The following SORL1 variants were observed in gnomAD, a reference collection of about 807,000 sequenced individuals.
The protein encoded by SORL1 is sortilin related receptor 1, also known as sortilin-related receptor.
A neutral mutation model predicts 273.7 loss-of-function variants in SORL1; 127 were observed. The ratio of observed to expected loss-of-function variants is 0.46; its 90% CI spans 0.40 to 0.54. SORL1 has a LOEUF of 0.54. SORL1 is among the 20% of genes least tolerant of loss of function. The pLI is 0.00. For synonymous variants in SORL1, 1,031 were observed against 1,067.4 expected (o/e 0.97, Z 0.66); for missense variants, 2,494 against 2,846.1 (o/e 0.88, Z 2.81).
At chr11:121,558,390 C>G (rs1256121505) in intron 19 of SORL1, among the ~76,000 whole-genome samples, 6 of 152,056 alleles carry the variant, frequency 3.9e-5, no homozygotes, top group Non-Finnish European at 7.4e-5. Context: ...TTGATTTTAT[C>G]TATAGATAAA....
rs1251353166 is a variant in SORL1, at chr11:121,630,745, G to A, written c.*1182G>A. The A allele has an allele frequency of 6.6e-6, 1 of 152,170 alleles. No individual in the cohort carries two copies. Among genetic ancestry groups the A allele is most frequent in the Non-Finnish European group, 1.5e-5 (1 of 68,038 alleles). The allele number at this position is 152,170 out of a possible 1,614,324, so 9.4% of individuals were successfully genotyped here. On this transcript the variant is annotated 3_prime_UTR_variant, in exon 48 of 48. Transcript: ENST00000260197. ...TAAAAAGTTGAGACTACTCAATCCAGTTAACAACAGCAGGAGCACTAGAGT... is the reference window on the plus strand; with the variant it reads ...TAAAAAGTTGAGACTACTCAATCCAATTAACAACAGCAGGAGCACTAGAGT...
Position 121,574,376 on chromosome 11 carries a change from C to T in SORL1, c.3460+13C>T, listed in dbSNP as rs981840366. 7 of 1,611,306 alleles carry T rather than the reference C, an allele frequency of 4.3e-6. No individual in the cohort carries two copies. The highest frequency in any genetic ancestry group is 5.9e-6 in the Non-Finnish European group (7 of 1,177,954). ...GAAAGTCATTGTGGTAAGGGGACATCACATCCTGAAACCCTGCTCTGGAGA... is the reference window on the plus strand; with the variant it reads ...GAAAGTCATTGTGGTAAGGGGACATTACATCCTGAAACCCTGCTCTGGAGA... On this transcript the variant is annotated intron_variant, in intron 24 of 47. Coordinates refer to ENST00000260197, the MANE Select transcript of SORL1 (RefSeq NM_003105.6).
At position 121,543,738 on chromosome 11, in the gene SORL1, C is replaced by T. The variant is rs1406267770; in HGVS notation, c.1864+12C>T. The T allele has an allele frequency of 2.5e-6, 4 of 1,605,894 alleles. No homozygotes were observed. The highest frequency in any genetic ancestry group is 3.3e-5 in the Admixed American group (2 of 59,910). Reference sequence around the variant, plus strand: ...CACGGATGCCTTGGGTAAGCTGCTGCCTCCTTGGACCTTTTCACATGGATA... The same window carrying T: ...CACGGATGCCTTGGGTAAGCTGCTGTCTCCTTGGACCTTTTCACATGGATA... On this transcript the variant is annotated intron_variant, in intron 13 of 47. Coordinates refer to ENST00000260197, the MANE Select transcript of SORL1 (RefSeq NM_003105.6).
intron 18 of SORL1, among the ~76,000 whole-genome samples, chr11:121,556,147 C>A (rs1862578652): frequency 6.6e-6 from 1 of 152,348 alleles, no homozygotes; most frequent in South Asian, 2.1e-4. Flanking sequence ...TTCGCACAAC[C>A]ATTTGACAGG....
rs1301301272 is a variant in SORL1, at chr11:121,543,545, C to T, written c.1686-3C>T. 1 of 1,608,652 alleles carries T rather than the reference C, an allele frequency of 6.2e-7. No individual in the cohort carries two copies. Among genetic ancestry groups the T allele is most frequent in the East Asian group, 2.2e-5 (1 of 44,726 alleles). On this transcript the variant is annotated splice_polypyrimidine_tract_variant and splice_region_variant and intron_variant, in intron 12 of 47. Coordinates refer to ENST00000260197, the MANE Select transcript of SORL1 (RefSeq NM_003105.6). ...AAGGATTCTCTTACTTGCATTTGGG[C>T]AGATACAGTACCAATGAAGGGGAGA... is the stretch of plus-strand genomic sequence containing the variant.
intron 35 of SORL1, among the ~76,000 whole-genome samples, chr11:121,606,568 C>T (rs1158641701): frequency 6.6e-6 from 1 of 152,166 alleles, no homozygotes; most frequent in Non-Finnish European, 1.5e-5. Flanking sequence ...AGTGGTGACT[C>T]AGCCTGCCCA....
In SORL1 at chr11:121,496,644, C is replaced by T. The variant is rs142280622; in HGVS notation, c.759-225C>T. 8.2e-3 allele frequency among the ~76,000 whole-genome samples: 1,249 copies of T among 152,282 alleles called. 12 individuals are homozygous for T. Among genetic ancestry groups the T allele is most frequent in the South Asian group, 0.015 (71 of 4,830 alleles). On this transcript the variant is annotated intron_variant, in intron 5 of 47. Transcript: ENST00000260197. ...GGGCAGGGTTGCCTTGAGCTAAACC[C>T]AGGATGCTTTGAAAACAACATAAAA...
intron 1 of SORL1, among the ~76,000 whole-genome samples, chr11:121,455,982 GACTCCATCTAAA>G (rs1353600235): frequency 6.9e-5 from 10 of 144,542 alleles, no homozygotes; most frequent in African/African-American, 2.6e-4. Flanking sequence ...GACAGAGTGA[GACTCCATCTAAA>G]AAAAAAAAAA....
chr11:121,463,279 G>A (rs1264108672), intron 1 of SORL1, among the ~76,000 whole-genome samples: 1 of 151,748 alleles, frequency 6.6e-6, no homozygotes, highest in Non-Finnish European at 1.5e-5. Flanking sequence ...TTGCCAACTG[G>A]TAAATTAAGG....
chr11:121,487,805 T>C (rs1861496576), intron 3 of SORL1, among the ~76,000 whole-genome samples: 1 of 152,186 alleles, frequency 6.6e-6, no homozygotes, highest in South Asian at 2.1e-4. Context: ...TCCCGGTCCA[T>C]CTCCAGGCCT....
At chr11:121,558,556 T>G in intron 19 of SORL1, 35 bp from the exon 20 acceptor site, 1 of 1,611,336 alleles carries the variant, frequency 6.2e-7, no homozygotes, top group Non-Finnish European at 8.5e-7. Flanking sequence ...TCTCTAGTAT[T>G]GATGAGGTAT....
At position 121,520,659 on chromosome 11, in the gene SORL1, A is replaced by G; in HGVS notation, c.1214A>G (p.Tyr405Cys). ...GGAGSDTLVRYFANEPFADFH... is the reference protein window; with the variant it reads ...GGAGSDTLVRCFANEPFADFH... ...AGCTGTTTATTTTCATATTGTAGGTATTTTGCAAATGAACCATTTGCTGAC... is the reference window on the plus strand; with the variant it reads ...AGCTGTTTATTTTCATATTGTAGGTGTTTTGCAAATGAACCATTTGCTGAC... Residue 405 changes from tyrosine to cysteine, a missense_variant and splice_region_variant, in exon 9 of 48, where the codon TAT becomes TGT. By Grantham distance (194) the Tyr-to-Cys change is radical. Transcript: ENST00000260197. 2 of 1,561,520 alleles carry G rather than the reference A, an allele frequency of 1.3e-6. No homozygotes were observed. Among genetic ancestry groups the G allele is most frequent in the South Asian group, 1.2e-5 (1 of 82,952 alleles).
At chr11:121,549,730 T>C (rs1862480878) in intron 14 of SORL1, among the ~76,000 whole-genome samples, 1 of 152,072 alleles carries the variant, frequency 6.6e-6, no homozygotes, top group Non-Finnish European at 1.5e-5. Flanking sequence ...GATGATTTTT[T>C]TTTTTTTTGG....
At chr11:121,523,302 TG>T (rs1353790616) in intron 11 of SORL1, among the ~76,000 whole-genome samples, 1 of 151,974 alleles carries the variant, frequency 6.6e-6, no homozygotes, top group Admixed American at 6.6e-5. Context: ...TGGCATGGAG[TG>T]GGGGCTCAGG....
rs202090275 is a variant in SORL1 at position 121,508,840 on chromosome 11, AT to A, written c.940-4158del. Among the ~76,000 whole-genome samples the A allele has an allele frequency of 2.6e-4, 39 of 152,250 alleles. No homozygotes were observed. In the East Asian group the frequency reaches 7.3e-3, roughly 29 times the overall value. On this transcript the variant is annotated intron_variant, in intron 6 of 47. Coordinates refer to ENST00000260197, the MANE Select transcript of SORL1 (RefSeq NM_003105.6). ...AATTCTGAAAAAGTTGATTTTGAGGATTTTTGTCAGTGTTTTTCTTGCTTTT... is the reference window on the plus strand; with the variant it reads ...AATTCTGAAAAAGTTGATTTTGAGGATTTTGTCAGTGTTTTTCTTGCTTTT...
At chr11:121,566,195 T>C (rs553320189) in intron 21 of SORL1, among the ~76,000 whole-genome samples, 12 of 152,156 alleles carry the variant, frequency 7.9e-5, no homozygotes, top group South Asian at 4.2e-4. Context: ...GAGAGCCTCA[T>C]GGGGACTGGA....
At chr11:121,513,179 G>GC in intron 7 of SORL1, 75 bp downstream of exon 7, 1 of 1,103,684 alleles carries the variant, frequency 9.1e-7, no homozygotes. Context: ...GTTGTTGCAG[G>GC]GATGGCCTGC....
In SORL1 at chr11:121,459,055, G is replaced by A. The variant is rs1041321434; in HGVS notation, c.285+6439G>A. Among the ~76,000 whole-genome samples the A allele has an allele frequency of 2.6e-5, 4 of 152,262 alleles. No homozygotes were observed. The Middle Eastern group carries it at 0.01, about 388-fold the overall frequency. ...TGGAAGATCCTATCTTCCTGGCCGC[G>A]TCCTGGACCCTCCGATGTGGCACTG... On this transcript the variant is annotated intron_variant, in intron 1 of 47. Transcript: ENST00000260197.
chr11:121,608,086 A>T lies in SORL1; in HGVS notation c.5167-18A>T. The T allele has an allele frequency of 6.2e-7, 1 of 1,606,696 alleles. No homozygotes were observed. Among genetic ancestry groups the T allele is most frequent in the South Asian group, 1.1e-5 (1 of 90,918 alleles). On this transcript the variant is annotated intron_variant, in intron 37 of 47. Coordinates refer to ENST00000260197, the MANE Select transcript of SORL1 (RefSeq NM_003105.6). ...TATTGCCTTTATTTCATATTAATTC[A>T]CCCTCTGATTTGAAAAGGTGGCTGC...
Sources: gnomAD v4.1 joint callset for allele counts (sites outside exome capture counted in the v4.1 genomes callset) on GRCh38, gnomAD v4.1.1 for gene constraint, MANE v1.5 for transcripts, NCBI Gene and HGNC (gene_info 2026-07-23, HGNC 2026-07-21) for gene names.